The following ACAA2 variants were observed in gnomAD, a reference collection of about 807,000 sequenced individuals.
ACAA2 encodes the protein acetyl-CoA acyltransferase 2.
Under a neutral mutation model 44.8 loss-of-function variants are expected in ACAA2, and 35 were observed. That is an observed-to-expected ratio of 0.78 (90% CI 0.60 to 1.04). The LOEUF (loss-of-function observed/expected upper bound fraction) is 1.04. Ranked by LOEUF, ACAA2 falls within the 50% of genes least tolerant of loss-of-function variation. ACAA2 has a pLI of 0.00. For synonymous variants in ACAA2, 142 were observed against 166.5 expected (o/e 0.85, Z 1.13); for missense variants, 468 against 482.6 (o/e 0.97, Z 0.28).
Position 49,794,333 on chromosome 18 carries a change from C to T in ACAA2, c.524G>A (p.Ser175Asn), listed in dbSNP as rs2023440241. The change falls in exon 5 of 10, where the codon AGC (serine) becomes AAC (asparagine). Residue 175 changes from serine to asparagine, a missense_variant. By Grantham distance (46) the Ser-to-Asn change is conservative. Transcript: ENST00000285093. The stretch of plus-strand genomic sequence containing the variant: ...GGCATATTTGTCACATTCTTCTCTG[C>T]TTATTTTGTGTTTTACAGCAAGATT... ...AENLAVKHKI[S>N]REECDKYALQ... The T allele has an allele frequency of 1.2e-6, 2 of 1,610,698 alleles. No homozygotes were observed. Among genetic ancestry groups the T allele is most frequent in the Non-Finnish European group, 1.7e-6 (2 of 1,179,512 alleles).
chr18:49,791,163 TTC>T (rs2023393903), intron 7 of ACAA2, among the ~76,000 whole-genome samples: 1 of 152,202 alleles, frequency 6.6e-6, no homozygotes, highest in African/African-American at 2.4e-5. Context: ...CACGTAATTC[TTC>T]TGTTATTTTC....
intron 2 of ACAA2, among the ~76,000 whole-genome samples, chr18:49,799,601 A>G (rs1010354733): frequency 1.1e-4 from 17 of 152,022 alleles, no homozygotes; most frequent in Non-Finnish European, 1.9e-4. Context: ...TTGGCCTCCC[A>G]AAGTGCCGAG....
At chr18:49,800,705 T>C (rs1366475020) in intron 2 of ACAA2, among the ~76,000 whole-genome samples, 1 of 152,088 alleles carries the variant, frequency 6.6e-6, no homozygotes, top group African/African-American at 2.4e-5. Context: ...GGCAGCATGC[T>C]TGTTAAGAGT....
intron 2 of ACAA2, among the ~76,000 whole-genome samples, chr18:49,798,791 A>G (rs1355670639): frequency 1.3e-5 from 2 of 152,178 alleles, no homozygotes; most frequent in Non-Finnish European, 2.9e-5. Context: ...TTACAAATTA[A>G]TGTCATTAAA....
chr18:49,811,390 A>G (rs1311683812), intron 1 of ACAA2: 1 of 152,168 alleles, frequency 6.6e-6, no homozygotes, highest in Non-Finnish European at 1.5e-5. Context: ...AGCCCTGTCT[A>G]CTTGCCTTGA....
In ACAA2 at chr18:49,787,291, C is replaced by CTCTACCAAA; in HGVS notation, c.945_953dup (p.Asp315_Val317dup). On this transcript the variant is annotated inframe_insertion and splice_region_variant, in exon 8 of 10. Transcript: ENST00000285093. Reference sequence around the variant, plus strand: ...AAAAAAAAAAAAAAAAAACACTTACCTCTACCAAATCCATGTCCTTAAGAC... The same window carrying CTCTACCAAA: ...AAAAAAAAAAAAAAAAAACACTTACCTCTACCAAATCTACCAAATCCATGTCCTTAAGAC... 1 of 1,289,438 alleles carries CTCTACCAAA rather than the reference C, an allele frequency of 7.8e-7. No homozygotes were observed. The highest frequency in any genetic ancestry group is 3.1e-5 in the East Asian group (1 of 31,784). 79.9% of individuals were successfully genotyped at this position (1,289,438 alleles called of 1,614,324 possible). A position where few individuals can be genotyped will look rare whatever the true frequency, so the allele number is the denominator to read the frequency against.
intron 1 of ACAA2, chr18:49,811,669 A>T (rs1395233434): frequency 6.6e-6 from 1 of 152,142 alleles, no homozygotes; most frequent in African/African-American, 2.4e-5. Context: ...GTTTATCTTT[A>T]ATGATTCTAG....
chr18:49,801,703 T>G (rs2023549528), intron 2 of ACAA2, among the ~76,000 whole-genome samples: 1 of 150,026 alleles, frequency 6.7e-6, no homozygotes, highest in African/African-American at 2.4e-5. Flanking sequence ...AATGATCACA[T>G]CATTGACATC....
chr18:49,806,520 C>G (rs2023611684), intron 1 of ACAA2, among the ~76,000 whole-genome samples: 1 of 152,148 alleles, frequency 6.6e-6, no homozygotes, highest in Admixed American at 6.5e-5. Context: ...AAATAGCCAA[C>G]CAATCAATAA....
At chr18:49,787,260 T>TAAAAAAAAAAAAA (rs35932656) in intron 8 of ACAA2, 31 bp downstream of exon 8, 15 of 1,028,100 alleles carry the variant, frequency 1.5e-5, no homozygotes, top group Middle Eastern at 3.3e-4. Context: ...TTCATGTTGT[T>TAAAAAAAAAAAAA]AAAAAAAAAA....
chr18:49,791,717 G>A, intron 6 of ACAA2, 118 bp from the exon 7 acceptor site: 1 of 977,544 alleles, frequency 1.0e-6, no homozygotes, highest in Non-Finnish European at 1.5e-6. Context: ...AGTGCACAGT[G>A]TGAGATACAA....
intron 5 of ACAA2, among the ~76,000 whole-genome samples, chr18:49,792,844 T>G (rs1002522878): frequency 1.3e-5 from 2 of 152,110 alleles, no homozygotes; most frequent in Admixed American, 6.6e-5. Flanking sequence ...CTTTTAAAAA[T>G]TATAGAGTCT....
Position 49,802,866 on chromosome 18 carries a change from G to A in ACAA2, c.17-13C>T, listed in dbSNP as rs767950492. 9 of 1,613,686 alleles carry A rather than the reference G, an allele frequency of 5.6e-6. No homozygotes were observed. The stretch of plus-strand genomic sequence containing the variant: ...ACTACAAACACACCTATTGCAACAA[G>A]AAGAGATTTGTAAGCCATCACAGGT... On this transcript the variant is annotated splice_polypyrimidine_tract_variant and intron_variant, in intron 1 of 9. Coordinates refer to ENST00000285093, the MANE Select transcript of ACAA2 (RefSeq NM_006111.3).
At chr18:49,807,133 G>A (rs1036577366) in intron 1 of ACAA2, among the ~76,000 whole-genome samples, 3 of 152,206 alleles carry the variant, frequency 2.0e-5, no homozygotes, top group African/African-American at 7.2e-5. Flanking sequence ...TGTGGCTCAA[G>A]CCTATAATCT....
intron 8 of ACAA2, among the ~76,000 whole-genome samples, chr18:49,786,973 A>G (rs1262825701): frequency 6.6e-6 from 1 of 152,168 alleles, no homozygotes; most frequent in Non-Finnish European, 1.5e-5. Context: ...TTTCACTTTA[A>G]TATTCAACAG....
chr18:49,784,263 G>C (rs1189887588), intron 9 of ACAA2, among the ~76,000 whole-genome samples: 1 of 152,214 alleles, frequency 6.6e-6, no homozygotes, highest in Non-Finnish European at 1.5e-5. Context: ...AAAGGAGTGA[G>C]AAGAGGAGGT....
chr18:49,785,645 C>T (rs1039454022), intron 8 of ACAA2: 5 of 364,308 alleles, frequency 1.4e-5, no homozygotes, highest in Middle Eastern at 7.7e-4. Flanking sequence ...GGTTTTAGAA[C>T]TGGATGGATG....
At chr18:49,790,456 C>T (rs2023385358) in intron 7 of ACAA2, among the ~76,000 whole-genome samples, 2 of 152,080 alleles carry the variant, frequency 1.3e-5, no homozygotes, top group South Asian at 4.1e-4. Context: ...ACAGGTTATC[C>T]TCCTCCTCCT....
Position 49,787,261 on chromosome 18 carries a change from A to AT in ACAA2, c.954+29_954+30insA. Reference sequence around the variant, plus strand: ...AAGTACATGGTTTATTCATGTTGTTAAAAAAAAAAAAAAAAAAAAAAACAC... The same window carrying AT: ...AAGTACATGGTTTATTCATGTTGTTATAAAAAAAAAAAAAAAAAAAAAACAC... On this transcript the variant is annotated intron_variant, in intron 8 of 9. Coordinates refer to ENST00000285093, the MANE Select transcript of ACAA2 (RefSeq NM_006111.3). The AT allele has an allele frequency of 5.7e-6, 4 of 703,942 alleles. No homozygotes were observed. In the South Asian group the frequency reaches 9.7e-5, roughly 17 times the overall value. The allele number at this position is 703,942 out of a possible 1,614,324, so 43.6% of individuals were successfully genotyped here. A position where few individuals can be genotyped will look rare whatever the true frequency, so the allele number is the denominator to read the frequency against.
Sources: allele counts gnomAD v4.1 joint callset (sites outside exome capture counted in the v4.1 genomes callset), GRCh38; gene constraint gnomAD v4.1.1; transcripts MANE v1.5; gene names NCBI Gene and HGNC (gene_info 2026-07-23, HGNC 2026-07-21).